PKLR: variants seen among roughly 807,000 people sequenced by gnomAD.
PKLR encodes pyruvate kinase L/R.
PKLR carries 38 observed loss-of-function variants against 53.6 expected under a neutral mutation model. The observed-to-expected ratio is 0.71, with a 90% CI of 0.55 to 0.93. PKLR has a LOEUF of 0.93. Ranked by LOEUF, PKLR falls within the 40% of genes least tolerant of loss-of-function variation. PKLR has a pLI of 0.00. For synonymous variants in PKLR, 328 were observed against 316.2 expected (o/e 1.04, Z -0.39); for missense variants, 702 against 787.3 (o/e 0.89, Z 1.30).
rs751361992 is a variant in PKLR, at chr1:155,295,278, C to T, written c.532G>A (p.Val178Met). 2 of 1,614,122 alleles carry T rather than the reference C, an allele frequency of 1.2e-6. No homozygotes were observed. Among genetic ancestry groups the T allele is most frequent in the South Asian group, 1.1e-5 (1 of 91,090 alleles). The change falls in exon 5 of 11, where the codon GTG becomes ATG. Residue 178 changes from valine to methionine, a missense_variant. By Grantham distance (21) the Val-to-Met change is conservative (BLOSUM62 1). Around this residue, in one of 2 missense-constraint regions of PKLR, gnomAD observed 519 missense variants for 537.1 expected, o/e 0.97. Coordinates refer to ENST00000342741, the MANE Select transcript of PKLR (RefSeq NM_000298.6). The surrounding 1 kb of genome is among the most constrained non-coding windows in gnomAD (Gnocchi z 4.3). Reference protein sequence around the residue: ...QGGPESEVELVKGSQVLVTVD... With the variant: ...QGGPESEVELMKGSQVLVTVD... ...GTCACCAGCACCTGGGAGCCCTTCA[C>T]CAGCTCCACTTCCGACTCTGGACCC...
upstream of PKLR, chr1:155,301,478 CAGAGA>C (rs1460844860): frequency 1.2e-5 from 20 of 1,603,952 alleles, no homozygotes; most frequent in East Asian, 2.2e-5. Flanking sequence ...CTAAGGGAGA[CAGAGA>C]AGAGAAAAGG....
upstream of PKLR, among the ~76,000 whole-genome samples, chr1:155,304,693 C>T (rs60650386): frequency 0.013 from 1,984 of 152,158 alleles, 42 homozygotes; most frequent in African/African-American, 0.045. Flanking sequence ...ACTGAGACTA[C>T]GGAAGAAATA....
chr1:155,291,835 G>A lies in PKLR; in HGVS notation c.1539C>T (p.Phe513=), dbSNP rs371489505. 1.5e-4 allele frequency: 240 copies of A among 1,614,044 alleles called. No homozygotes were observed. Among genetic ancestry groups the A allele is most frequent in the Non-Finnish European group, 2.0e-4 (234 of 1,180,002 alleles). ...CTGGAGGTTCACGGTAAAGCAAGGG[G>A]AAGACTCCTCGGCATAAGTGGACCT... ...ARQVHLCRGV[F]PLLYREPPEA... Residue 513 remains phenylalanine (F), a synonymous_variant, in exon 10 of 11, where the codon TTC becomes TTT. Transcript: ENST00000342741.
chr1:155,294,907 A>T (rs1647471464), intron 5 of PKLR, among the ~76,000 whole-genome samples, 155 bp from the exon 6 acceptor site: 1 of 152,192 alleles, frequency 6.6e-6, no homozygotes, highest in African/African-American at 2.4e-5. Context: ...AGAGGCACAG[A>T]TGGACGTCCG....
At position 155,294,739 on chromosome 1, in the gene PKLR, C is replaced by T. The variant is rs1002990388; in HGVS notation, c.708G>A (p.Leu236=). 2.5e-6 allele frequency: 4 copies of T among 1,613,886 alleles called. No individual in the cohort carries two copies. In the South Asian group the frequency reaches 4.4e-5, roughly 18 times the overall value. ...LVVQKIGPEG[L]VTQVENGGVL... ...CGCCGCCGTTCTCCACTTGGGTCACCAGTCCCTCTGGGCCTGCGGACATGG... is the reference window on the plus strand; with the variant it reads ...CGCCGCCGTTCTCCACTTGGGTCACTAGTCCCTCTGGGCCTGCGGACATGG... The change falls in exon 6 of 11, where the codon CTG becomes CTA. Residue 236 remains leucine, a synonymous_variant. Transcript: ENST00000342741.
chr1:155,302,349 GTC>G (rs942846260), upstream of PKLR, among the ~76,000 whole-genome samples: 2 of 149,040 alleles, frequency 1.3e-5, no homozygotes, highest in African/African-American at 5.0e-5. Context: ...CGATTATCCT[GTC>G]TCAGCCTCCT....
At position 155,293,134 on chromosome 1, in the gene PKLR, CT is replaced by C; in HGVS notation, c.1436+42del. ...GCCTGGGGCCCGTCCCAGCCCACCC[CT>C]GACCCAAAGCTCCATCTGGACATTC... is the stretch of plus-strand genomic sequence containing the variant. On this transcript the variant is annotated intron_variant, in intron 9 of 10. Transcript: ENST00000342741. The surrounding 1 kb of genome is among the most constrained non-coding windows in gnomAD (Gnocchi z 4.2). The C allele has an allele frequency of 6.2e-7, 1 of 1,602,082 alleles. No individual in the cohort carries two copies. Among genetic ancestry groups the C allele is most frequent in the Non-Finnish European group, 8.6e-7 (1 of 1,169,056 alleles).
In PKLR at chr1:155,293,094, C is replaced by T; in HGVS notation, c.1436+83G>A. ...GGTGGACACTCTTCACCCCTGGTGA[C>T]CAGACTAAACCCAAGCCTGGGGCCC... On this transcript the variant is annotated intron_variant, in intron 9 of 10. Coordinates refer to ENST00000342741, the MANE Select transcript of PKLR (RefSeq NM_000298.6). The surrounding 1 kb of genome is among the most constrained non-coding windows in gnomAD (Gnocchi z 4.2). 6.9e-7 allele frequency: 1 copy of T among 1,439,068 alleles called. No homozygotes were observed. Among genetic ancestry groups the T allele is most frequent in the Middle Eastern group, 1.8e-4 (1 of 5,542 alleles). The allele number at this position is 1,439,068 out of a possible 1,614,324, so 89.1% of individuals were successfully genotyped here. A position where few individuals can be genotyped will look rare whatever the true frequency, so the allele number is the denominator to read the frequency against.
rs556653736 is a variant in PKLR at position 155,295,341 on chromosome 1, C to G, written c.508-39G>C. The stretch of plus-strand genomic sequence containing the variant: ...CAGAGGAGATGTGAGTTCTGAGCCC[C>G]GGAGTCCGGGACCCGCCCCTGCCCA... On this transcript the variant is annotated intron_variant, in intron 4 of 10. Coordinates refer to ENST00000342741, the MANE Select transcript of PKLR (RefSeq NM_000298.6). The surrounding 1 kb of genome is among the most constrained non-coding windows in gnomAD (Gnocchi z 4.3). The G allele has an allele frequency of 7.4e-6, 12 of 1,613,310 alleles. No individual in the cohort carries two copies. The Middle Eastern group carries it at 6.6e-4, about 89-fold the overall frequency.
intron 2 of PKLR, among the ~76,000 whole-genome samples, chr1:155,296,234 ATC>A (rs964011328): frequency 6.6e-6 from 1 of 152,156 alleles, no homozygotes; most frequent in African/African-American, 2.4e-5. Flanking sequence ...TTCGGTCCCT[ATC>A]TGTCTTTCCA....
intron 10 of PKLR, among the ~76,000 whole-genome samples, 162 bp from the exon 11 acceptor site, chr1:155,290,840 T>C (rs556850972): frequency 1.3e-5 from 2 of 151,482 alleles, no homozygotes; most frequent in East Asian, 3.9e-4. Flanking sequence ...AATACAAAAA[T>C]TAGCTGGGTG....
Position 155,300,227 on chromosome 1 carries a change from C to A in PKLR, c.154G>T (p.Gly52Cys), listed in dbSNP as rs760029571. Residue 52 changes from glycine (G) to cysteine (C), a missense_variant, in exon 2 of 11, where the codon GGC (glycine) becomes TGC (cysteine). Physicochemically the swap from Gly to Cys is radical, Grantham distance 159. Transcript: ENST00000342741. ...TGCTGCTGCTGGAAGAAGGCAGTGC[C>A]CAGCTCCTGGGTCAGTTGGGCCACA... ...ASVAQLTQELGTAFFQQQQLP... is the reference protein window; with the variant it reads ...ASVAQLTQELCTAFFQQQQLP... The A allele has an allele frequency of 6.2e-7, 1 of 1,612,650 alleles. No individual in the cohort carries two copies. Among genetic ancestry groups the A allele is most frequent in the Admixed American group, 1.7e-5 (1 of 59,816 alleles).
At chr1:155,298,972 T>A (rs1221833466) in intron 2 of PKLR, among the ~76,000 whole-genome samples, 1 of 77,952 alleles carries the variant, frequency 1.3e-5, no homozygotes, top group African/African-American at 7.6e-5. Flanking sequence ...CTTTCTTTCT[T>A]TCTTTCTTTC....
At position 155,291,705 on chromosome 1, in the gene PKLR, G is replaced by A. The variant is rs769979577; in HGVS notation, c.1618+51C>T. On this transcript the variant is annotated intron_variant, in intron 10 of 10. Transcript: ENST00000342741. ...AGTGGGTATGGGAAGCTGGGTTGGG[G>A]GGCTCCTGATACAAATGGTAGGAGT... The A allele has an allele frequency of 7.7e-6, 12 of 1,549,484 alleles. No individual in the cohort carries two copies. In the South Asian group the frequency reaches 1.1e-4, roughly 14 times the overall value.
chr1:155,300,699 C>T (rs1310940014), intron 1 of PKLR, among the ~76,000 whole-genome samples: 1 of 152,052 alleles, frequency 6.6e-6, no homozygotes, highest in African/African-American at 2.4e-5. Context: ...CCTATGCAGA[C>T]CCAGAATCAC....
rs373954733 is a variant in PKLR at position 155,295,775 on chromosome 1, G to C, written c.284-19C>G. ...GCTGGCCCTAGAACCAGAGATTCAC[G>C]TTCAGACAACGTTCCCCCAGAACAT... On this transcript the variant is annotated intron_variant, in intron 2 of 10. Coordinates refer to ENST00000342741, the MANE Select transcript of PKLR (RefSeq NM_000298.6). This position sits in a 1 kb window ranked among gnomAD's most constrained non-coding sequence, Gnocchi z 4.3. 43 of 1,606,128 alleles carry C rather than the reference G, an allele frequency of 2.7e-5. No individual in the cohort carries two copies. Among genetic ancestry groups the C allele is most frequent in the Non-Finnish European group, 3.6e-5 (42 of 1,172,940 alleles).
Position 155,294,529 on chromosome 1 carries a change from G to A in PKLR, c.918C>T (p.His306=), listed in dbSNP as rs141571402. 1.9e-6 allele frequency: 3 copies of A among 1,614,052 alleles called. No homozygotes were observed. The highest frequency in any genetic ancestry group is 2.5e-6 in the Non-Finnish European group (3 of 1,180,038). Residue 306 remains histidine (H), a synonymous_variant, in exon 6 of 11, where the codon CAC becomes CAT. Coordinates refer to ENST00000342741, the MANE Select transcript of PKLR (RefSeq NM_000298.6). ...CAATTTTGCTGATGATCTTGATGCC[G>A]TGTCCTTCCGGACCCAGAGCAGCCC... is the stretch of plus-strand genomic sequence containing the variant. ...AVRAALGPEG[H]GIKIISKIEN...
In PKLR at chr1:155,294,501, T is replaced by C. The variant is rs1647431022; in HGVS notation, c.946A>G (p.Asn316Asp). 1.2e-6 allele frequency: 2 copies of C among 1,614,058 alleles called. No homozygotes were observed. The highest frequency in any genetic ancestry group is 8.5e-7 in the Non-Finnish European group (1 of 1,180,030). ...CCTCACCTCTTCACGCCTTCGTGGT[T>C]CTCAATTTTGCTGATGATCTTGATG... ...HGIKIISKIE[N>D]HEGVKRFDEI... Residue 316 changes from asparagine to aspartate, a missense_variant, in exon 6 of 11, where the codon AAC becomes GAC. Asn to Asp is a conservative substitution (Grantham distance 23). This residue lies in a region of PKLR where 519 missense variants were observed against 537.1 expected (regional missense o/e 0.97). Coordinates refer to ENST00000342741, the MANE Select transcript of PKLR (RefSeq NM_000298.6).
chr1:155,297,917 T>C (rs1456620940), intron 2 of PKLR, among the ~76,000 whole-genome samples: 1 of 152,206 alleles, frequency 6.6e-6, no homozygotes, highest in Non-Finnish European at 1.5e-5. Flanking sequence ...TTCCCTTTGG[T>C]CTCATTTACT....
Sources: allele counts gnomAD v4.1 joint callset (sites outside exome capture counted in the v4.1 genomes callset), GRCh38; gene constraint gnomAD v4.1.1; regional missense constraint gnomAD v4.1.1; non-coding constraint Gnocchi (gnomAD v3.1); transcripts MANE v1.5; gene names NCBI Gene and HGNC (gene_info 2026-07-23, HGNC 2026-07-21).